The following STX5 variants were observed in gnomAD, a reference collection of about 807,000 sequenced individuals.
STX5 encodes the protein syntaxin-5.
In STX5, 15 loss-of-function variants were observed where a neutral mutation model predicts 42.9. The observed-to-expected ratio is 0.35, with a 90% CI of 0.23 to 0.54. STX5 has a LOEUF of 0.54. STX5 is among the 20% of genes least tolerant of loss of function. STX5 has a pLI of 0.91. For synonymous variants in STX5, 184 were observed against 173.2 expected (o/e 1.06, Z -0.49); for missense variants, 430 against 455.0 (o/e 0.95, Z 0.50).
chr11:62,823,854 G>A (rs1056635346), intron 10 of STX5: 2 of 344,220 alleles, frequency 5.8e-6, no homozygotes, highest in African/African-American at 4.2e-5. Flanking sequence ...TGCCAGCCTT[G>A]TCAGTTCTTT....
intron 10 of STX5, among the ~76,000 whole-genome samples, chr11:62,811,658 CTT>C (rs1280875296): frequency 1.6e-4 from 23 of 142,988 alleles, no homozygotes; most frequent in Non-Finnish European, 1.5e-4. Context: ...TCTCTCATCC[CTT>C]TTTTTTTTTT....
At chr11:62,826,715 C>T (rs1255964263) in intron 5 of STX5, among the ~76,000 whole-genome samples, 1 of 151,768 alleles carries the variant, frequency 6.6e-6, no homozygotes, top group Non-Finnish European at 1.5e-5. Context: ...CCCGTCTCTA[C>T]TAAAGATAAA....
chr11:62,807,380 T>G lies in STX5; in HGVS notation c.*89A>C, dbSNP rs1187053726. 3.9e-6 allele frequency: 6 copies of G among 1,522,266 alleles called. No individual in the cohort carries two copies. The highest frequency in any genetic ancestry group is 5.3e-6 in the Non-Finnish European group (6 of 1,133,122). 94.3% of individuals were successfully genotyped at this position (1,522,266 alleles called of 1,614,324 possible). ...AGGGAAACAGGGCCTTTCTCCCAAG[T>G]ACCCTGCACAGGCTCAGTGGCAGCA... is the stretch of plus-strand genomic sequence containing the variant. On this transcript the variant is annotated 3_prime_UTR_variant, in exon 11 of 11. Coordinates refer to ENST00000294179, the MANE Select transcript of STX5 (RefSeq NM_003164.5).
chr11:62,808,604 A>G (rs1172873167), intron 10 of STX5, among the ~76,000 whole-genome samples: 4 of 152,134 alleles, frequency 2.6e-5, no homozygotes, highest in South Asian at 2.1e-4. Flanking sequence ...ATAATAATAA[A>G]TAAGTATATT....
intron 2 of STX5, 55 bp downstream of exon 2, chr11:62,830,964 C>A: frequency 6.8e-7 from 1 of 1,467,322 alleles, no homozygotes. Context: ...GGAGCACAGT[C>A]CTTCCTAGAT....
At chr11:62,829,095 C>CAA (rs1565216439) in intron 2 of STX5, among the ~76,000 whole-genome samples, 6 of 148,732 alleles carry the variant, frequency 4.0e-5, no homozygotes, top group African/African-American at 1.5e-4. Flanking sequence ...CAAACAAACA[C>CAA]AAACTGCTTA....
chr11:62,820,013 AGTT>A (rs1382138445), intron 10 of STX5, among the ~76,000 whole-genome samples: 1 of 150,824 alleles, frequency 6.6e-6, no homozygotes, highest in African/African-American at 2.4e-5. Context: ...CAGTAAGTGG[AGTT>A]GTTGAACAGG....
In STX5 at chr11:62,825,555, A is replaced by C. The variant is rs1276390008; in HGVS notation, c.424-16T>G. ...TATTGATGTCCTGGTAAAAGAGTCC[A>C]AGGAAAAACAAAGTATTAGCCAAGG... On this transcript the variant is annotated splice_polypyrimidine_tract_variant and intron_variant, in intron 5 of 10. Coordinates refer to ENST00000294179, the MANE Select transcript of STX5 (RefSeq NM_003164.5). The C allele has an allele frequency of 1.2e-6, 2 of 1,610,374 alleles. No individual in the cohort carries two copies. The highest frequency in any genetic ancestry group is 2.2e-5 in the South Asian group (2 of 90,932).
intron 10 of STX5, among the ~76,000 whole-genome samples, chr11:62,816,273 T>G (rs1035264218): frequency 6.6e-6 from 1 of 152,160 alleles, no homozygotes; most frequent in Non-Finnish European, 1.5e-5. Context: ...CTGGTAAACT[T>G]AAAATTTTTA....
rs1392859863 is a variant in STX5, at chr11:62,823,988, A to G, written c.908+178T>C. On this transcript the variant is annotated intron_variant, in intron 10 of 10. Transcript: ENST00000294179. The stretch of plus-strand genomic sequence containing the variant: ...TCCCGCACCTGGAACAGTGCCTCAC[A>G]TGAACAGGTGCTCAATAAAAACTTG... 4 of 935,540 alleles carry G rather than the reference A, an allele frequency of 4.3e-6. No homozygotes were observed. In the South Asian group the frequency reaches 4.8e-5, roughly 11 times the overall value. 58.0% of individuals were successfully genotyped at this position (935,540 alleles called of 1,614,324 possible).
intron 2 of STX5, among the ~76,000 whole-genome samples, chr11:62,829,857 G>C (rs893482120): frequency 1.3e-5 from 2 of 151,416 alleles, no homozygotes; most frequent in Non-Finnish European, 2.9e-5. Context: ...CTCAGGTCAG[G>C]AGTTCAAAGC....
chr11:62,826,602 A>G (rs560316266), intron 5 of STX5, among the ~76,000 whole-genome samples: 4 of 148,770 alleles, frequency 2.7e-5, no homozygotes, highest in African/African-American at 9.9e-5. Context: ...AAAAGTTATT[A>G]TTACAGTCGA....
Position 62,824,546 on chromosome 11 carries a change from C to G in STX5, c.699G>C (p.Leu233=). ...CCTTGGAGGCATGGGACTCTGCCCC[C>G]AGAACCACAGCACCACCGCCTGGGG... ...PNHLGGGAVV[L]GAESHASKDV... Residue 233 remains leucine, a synonymous_variant, in exon 9 of 11, where the codon CTG becomes CTC. Transcript: ENST00000294179. 1.2e-6 allele frequency: 2 copies of G among 1,614,154 alleles called. No homozygotes were observed. The highest frequency in any genetic ancestry group is 1.7e-6 in the Non-Finnish European group (2 of 1,180,026).
In STX5 at chr11:62,807,859, A is replaced by AT. The variant is rs2084570296; in HGVS notation, c.909-232dup. The AT allele has an allele frequency of 2.0e-5, 14 of 701,796 alleles. No homozygotes were observed. The South Asian group carries it at 3.4e-4, about 17-fold the overall frequency. 43.5% of individuals were successfully genotyped at this position (701,796 alleles called of 1,614,324 possible). ...CTAAGTTAGTCTAACTTCAAGCTTC[A>AT]TTTTCCTCACCGGCAAAATGAGGAT... On this transcript the variant is annotated intron_variant, in intron 10 of 10. Transcript: ENST00000294179.
chr11:62,825,806 C>T (rs76628154), intron 5 of STX5, among the ~76,000 whole-genome samples: 3,707 of 152,252 alleles, frequency 0.024, 139 homozygotes, highest in African/African-American at 0.085. Context: ...CAGCCTACTG[C>T]CCTGCTCCAT....
intron 10 of STX5, among the ~76,000 whole-genome samples, chr11:62,823,272 T>G (rs1474540707): frequency 6.6e-6 from 1 of 151,968 alleles, no homozygotes; most frequent in African/African-American, 2.4e-5. Context: ...CCTCCCATGC[T>G]TAAGTCATCC....
At chr11:62,810,772 G>A (rs1053172490) in intron 10 of STX5, among the ~76,000 whole-genome samples, 38 of 152,236 alleles carry the variant, frequency 2.5e-4, no homozygotes, top group African/African-American at 8.9e-4. Context: ...CTGGCATGCA[G>A]GGAGGAAGCA....
At chr11:62,828,758 C>CAAAT (rs1206114448) in intron 2 of STX5, among the ~76,000 whole-genome samples, 5 of 149,072 alleles carry the variant, frequency 3.4e-5, no homozygotes, top group African/African-American at 9.9e-5. Context: ...AACAAACAAA[C>CAAAT]AAACAAATAA....
Position 62,807,717 on chromosome 11 carries a change from G to A in STX5, c.909-89C>T. 2.6e-6 allele frequency: 4 copies of A among 1,554,340 alleles called. No homozygotes were observed. The South Asian group carries it at 3.5e-5, about 14-fold the overall frequency. On this transcript the variant is annotated intron_variant, in intron 10 of 10. Transcript: ENST00000294179. Reference sequence around the variant, plus strand: ...GTCCATTTATTGACATGGAAAGATGGTCACAATATGATCCCATTCTTATAT... The same window carrying A: ...GTCCATTTATTGACATGGAAAGATGATCACAATATGATCCCATTCTTATAT...
Sources: allele counts gnomAD v4.1 joint callset (sites outside exome capture counted in the v4.1 genomes callset), GRCh38; gene constraint gnomAD v4.1.1; transcripts MANE v1.5; gene names NCBI Gene and HGNC (gene_info 2026-07-23, HGNC 2026-07-21).